ABLIM1: variants seen among roughly 807,000 people sequenced by gnomAD.
The protein encoded by ABLIM1 is actin binding LIM protein 1.
ABLIM1 carries 40 observed loss-of-function variants against 107.0 expected under a neutral mutation model. That is an observed-to-expected ratio of 0.37 (90% CI 0.29 to 0.49). The LOEUF is 0.49. Ranked by LOEUF, ABLIM1 falls within the 20% of genes least tolerant of loss-of-function variation. The pLI is 0.97. For synonymous variants in ABLIM1, 357 were observed against 357.3 expected, an observed-to-expected ratio of 1.00 and a Z score of 0.01; for missense variants, 857 against 1,008.5, an observed-to-expected ratio of 0.85 and a Z score of 2.04.
chr10:114,460,793 C>T (rs1430146488), intron 12 of ABLIM1, among the ~76,000 whole-genome samples: 1 of 152,118 alleles, frequency 6.6e-6, no homozygotes, highest in Non-Finnish European at 1.5e-5. Flanking sequence ...ATATCTGAAC[C>T]CAGATTCCAA....
At chr10:114,560,727 C>T (rs966257144) in intron 4 of ABLIM1, among the ~76,000 whole-genome samples, 3 of 152,096 alleles carry the variant, frequency 2.0e-5, no homozygotes, top group African/African-American at 4.8e-5. Context: ...ACAAATGATA[C>T]GAACTGGATC....
upstream of ABLIM1, among the ~76,000 whole-genome samples, chr10:114,688,266 G>A (rs1171220596): frequency 1.3e-5 from 2 of 152,138 alleles, no homozygotes; most frequent in Non-Finnish European, 2.9e-5. Context: ...AACTTCATGA[G>A]CTTTTCTGTT....
chr10:114,689,989 A>T (rs1358823793), upstream of ABLIM1, among the ~76,000 whole-genome samples: 1 of 152,160 alleles, frequency 6.6e-6, no homozygotes, highest in Non-Finnish European at 1.5e-5. Flanking sequence ...TCTTCAATTC[A>T]GCTAGGCATA....
At chr10:114,606,323 C>T (rs1480125112) in intron 1 of ABLIM1, among the ~76,000 whole-genome samples, 1 of 152,062 alleles carries the variant, frequency 6.6e-6, no homozygotes, top group Non-Finnish European at 1.5e-5. Context: ...GCAACCTCTG[C>T]CTCCTGGGTT....
chr10:114,468,161 TA>T lies in ABLIM1; in HGVS notation c.1311+19del. 1 of 1,608,582 alleles carries T rather than the reference TA, an allele frequency of 6.2e-7. No homozygotes were observed. Among genetic ancestry groups the T allele is most frequent in the Non-Finnish European group, 8.5e-7 (1 of 1,174,988 alleles). ...TCTCAAATTCCACCCATTAAAATGA[TA>T]AAAAGAAATGGTACTTACTTCTGCT... On this transcript the variant is annotated intron_variant, in intron 11 of 22. Transcript: ENST00000533213.
chr10:114,619,735 C>T lies in ABLIM1; in HGVS notation c.245-17774G>A, dbSNP rs1289909364. Among the ~76,000 whole-genome samples the T allele has an allele frequency of 6.6e-6, 1 of 152,190 alleles. No homozygotes were observed. The highest frequency in any genetic ancestry group is 2.4e-5 in the African/African-American group (1 of 41,448). ...GACTCATAGGGAAAAGTGATCCCAACTGAAAAAGCAATTCCAGAAATACCA... is the reference window on the plus strand; with the variant it reads ...GACTCATAGGGAAAAGTGATCCCAATTGAAAAAGCAATTCCAGAAATACCA... On this transcript the variant is annotated intron_variant, in intron 1 of 22. Transcript: ENST00000533213. The surrounding 1 kb of genome is among the most constrained non-coding windows in gnomAD (Gnocchi z 4.1).
intron 1 of ABLIM1, among the ~76,000 whole-genome samples, chr10:114,729,133 T>G (rs1393207512): frequency 6.6e-6 from 1 of 152,040 alleles, no homozygotes; most frequent in African/African-American, 2.4e-5. Context: ...CATGCTCTCA[T>G]GAGGAAAGTG....
chr10:114,788,339 AAAAAAAAAAT>A, the ABLIM1 span, among the ~76,000 whole-genome samples: 18 of 131,084 alleles, frequency 1.4e-4, no homozygotes, highest in Middle Eastern at 3.7e-3. Flanking sequence ...AAAAATAAAA[AAAAAAAAAAT>A]AAATAAATAA....
rs2082696152 is a variant in ABLIM1, at chr10:114,759,354, T to C, written c.-213+8707A>G. Among the ~76,000 whole-genome samples, 4 of 152,180 alleles carry C rather than the reference T, an allele frequency of 2.6e-5. No individual in the cohort carries two copies. The South Asian group carries it at 8.3e-4, about 32-fold the overall frequency. ...TAAACCAAACTATACATTTTAAAGC[T>C]TATGTGAAACTATATTAACCGGAAA... On this transcript the variant is annotated intron_variant, in intron 1 of 15. Transcript: ENST00000651092.
At chr10:114,535,692 T>G (rs987038678) in intron 6 of ABLIM1, among the ~76,000 whole-genome samples, 13 of 152,238 alleles carry the variant, frequency 8.5e-5, no homozygotes, top group Non-Finnish European at 1.6e-4. Flanking sequence ...GGTAGATGTG[T>G]GTATGTGAAA....
rs1441640785 is a variant in ABLIM1 at position 114,435,224 on chromosome 10, A to G, written c.*1036T>C. On this transcript the variant is annotated 3_prime_UTR_variant, in exon 23 of 23. Coordinates refer to ENST00000533213, the MANE Select transcript of ABLIM1 (RefSeq NM_002313.7). ...AGAAAAACATGTCTTTCCTTAGCCT[A>G]TTATTGAAAGAAACCTTAAAAACCA... is the stretch of plus-strand genomic sequence containing the variant. The G allele has an allele frequency of 6.6e-6, 1 of 152,244 alleles. No homozygotes were observed. The highest frequency in any genetic ancestry group is 2.4e-5 in the African/African-American group (1 of 41,468). The allele number at this position is 152,244 out of a possible 1,614,324, so 9.4% of individuals were successfully genotyped here.
chr10:114,719,551 T>A (rs1417159420), intron 1 of ABLIM1, among the ~76,000 whole-genome samples: 1 of 152,252 alleles, frequency 6.6e-6, no homozygotes, highest in Non-Finnish European at 1.5e-5. Flanking sequence ...GACCTTTGGA[T>A]GGCTGGTGTC....
At chr10:114,613,680 A>G in intron 1 of ABLIM1, 1 of 1,326,086 alleles carries the variant, frequency 7.5e-7, no homozygotes. Flanking sequence ...GTGTCTGCAC[A>G]CCCACTGGGA....
chr10:114,662,024 T>C (rs913490906), upstream of ABLIM1, among the ~76,000 whole-genome samples: 7 of 152,188 alleles, frequency 4.6e-5, no homozygotes, highest in African/African-American at 1.7e-4. Flanking sequence ...CTTTATTCTA[T>C]ATAGTGATTT....
intron 1 of ABLIM1, among the ~76,000 whole-genome samples, chr10:114,758,904 G>C (rs11815272): frequency 0.016 from 2,451 of 152,196 alleles, 70 homozygotes; most frequent in African/African-American, 0.056. Flanking sequence ...TAATGTTAAA[G>C]AGCTGGAGAA....
At chr10:114,447,186 G>T (rs902454100) in intron 15 of ABLIM1, among the ~76,000 whole-genome samples, 2 of 152,116 alleles carry the variant, frequency 1.3e-5, no homozygotes, top group Non-Finnish European at 2.9e-5. Context: ...TTTTTAGGCC[G>T]AGTAGGTTCA....
In ABLIM1 at chr10:114,520,280, C is replaced by A. The variant is rs547342909; in HGVS notation, c.894+24725G>T. Among the ~76,000 whole-genome samples the A allele has an allele frequency of 5.9e-5, 9 of 152,304 alleles. No homozygotes were observed. The East Asian group carries it at 1.7e-3, about 29-fold the overall frequency. ...CTTCTGATCTTGGCCTTCTGTTCTG[C>A]AGTGGAACATCCTGGGGCCAATCAA... On this transcript the variant is annotated intron_variant, in intron 6 of 22. Coordinates refer to ENST00000533213, the MANE Select transcript of ABLIM1 (RefSeq NM_002313.7).
chr10:114,526,022 C>A (rs1281531557), intron 6 of ABLIM1, among the ~76,000 whole-genome samples: 1 of 152,162 alleles, frequency 6.6e-6, no homozygotes, highest in African/African-American at 2.4e-5. Context: ...AGGCCAGAAT[C>A]TCTAGATTTC....
intron 8 of ABLIM1, among the ~76,000 whole-genome samples, chr10:114,483,582 G>A (rs570150378): frequency 1.1e-4 from 17 of 152,116 alleles, no homozygotes; most frequent in Admixed American, 3.3e-4. Context: ...CAGCCCATCC[G>A]ACTTCATTCT....
Sources: allele counts gnomAD v4.1 joint callset (sites outside exome capture counted in the v4.1 genomes callset), GRCh38; gene constraint gnomAD v4.1.1; non-coding constraint Gnocchi (gnomAD v3.1); transcripts MANE v1.5; gene names NCBI Gene and HGNC (gene_info 2026-07-23, HGNC 2026-07-21).